Variants in CDH4 observed in about 807,000 individuals in gnomAD.
CDH4 encodes the protein cadherin-4.
In CDH4, 33 loss-of-function variants were observed where a neutral mutation model predicts 86.0. The observed-to-expected ratio is 0.38, with a 90% CI of 0.29 to 0.51. The LOEUF (loss-of-function observed/expected upper bound fraction) is 0.51, where lower values mean the gene tolerates loss of function less well. Among genes scored for constraint, CDH4 ranks in the 20% least tolerant of loss-of-function variants. The pLI is 0.86. For missense variants in CDH4, 1,114 were observed against 1,307.4 expected (o/e 0.85, Z 2.28); for synonymous variants, 555 against 549.4 (o/e 1.01, Z -0.14).
intron 4 of CDH4, among the ~76,000 whole-genome samples, chr20:61,823,033 A>T (rs561856930): frequency 6.6e-6 from 1 of 152,294 alleles, no homozygotes; most frequent in East Asian, 1.9e-4. Context: ...GCGACCATGG[A>T]GGCTGGTAAG....
intron 2 of CDH4, among the ~76,000 whole-genome samples, chr20:61,579,288 T>TC (rs1201668259): frequency 7.2e-6 from 1 of 139,120 alleles, no homozygotes; most frequent in Non-Finnish European, 1.5e-5. Flanking sequence ...GATGGAGATT[T>TC]TTTTTTTTTT....
intron 2 of CDH4, among the ~76,000 whole-genome samples, chr20:61,655,326 AT>A (rs1180317531): frequency 6.6e-6 from 1 of 152,220 alleles, no homozygotes; most frequent in Non-Finnish European, 1.5e-5. Flanking sequence ...ATATTACTTC[AT>A]TGACACAAAG....
chr20:61,666,012 C>T (rs529492523), intron 2 of CDH4, among the ~76,000 whole-genome samples: 222 of 152,290 alleles, frequency 1.5e-3, no homozygotes, highest in African/African-American at 5.1e-3. Flanking sequence ...GGACTCCAAA[C>T]GCTGACCCTG....
At chr20:61,812,186 TG>T (rs891993705) in intron 4 of CDH4, among the ~76,000 whole-genome samples, 1 of 133,264 alleles carries the variant, frequency 7.5e-6, no homozygotes, top group Non-Finnish European at 1.6e-5. Context: ...GGCATGTTAT[TG>T]GGGGCGGGGT....
At chr20:61,263,364 C>A (rs2123124354) in intron 2 of CDH4, among the ~76,000 whole-genome samples, 1 of 152,282 alleles carries the variant, frequency 6.6e-6, no homozygotes, top group South Asian at 2.1e-4. Context: ...AACCAAAAAT[C>A]CCTATTTAAT....
intron 2 of CDH4, among the ~76,000 whole-genome samples, chr20:61,559,938 C>T (rs1336802496): frequency 6.6e-6 from 1 of 152,164 alleles, no homozygotes; most frequent in East Asian, 1.9e-4. Context: ...TGGAGGCCCT[C>T]GGCTGCATGC....
intron 2 of CDH4, among the ~76,000 whole-genome samples, chr20:61,471,604 G>A (rs969367841): frequency 6.6e-6 from 1 of 151,256 alleles, no homozygotes; most frequent in Non-Finnish European, 1.5e-5. Context: ...TGCATTGTTA[G>A]GTTGTTTAAA....
intron 4 of CDH4, among the ~76,000 whole-genome samples, chr20:61,773,833 T>C (rs1474816131): frequency 1.3e-5 from 2 of 152,182 alleles, no homozygotes; most frequent in African/African-American, 4.8e-5. Flanking sequence ...CCTTTGGAAA[T>C]GAGGGTCCCC....
chr20:61,802,510 T>A (rs1187168956), intron 4 of CDH4, among the ~76,000 whole-genome samples: 1 of 152,162 alleles, frequency 6.6e-6, no homozygotes, highest in Non-Finnish European at 1.5e-5. Flanking sequence ...AGAAAGGAAT[T>A]TCTCTGCAGA....
intron 2 of CDH4, among the ~76,000 whole-genome samples, chr20:61,303,876 G>A (rs561527377): frequency 2.0e-5 from 3 of 152,330 alleles, no homozygotes; most frequent in Non-Finnish European, 2.9e-5. Flanking sequence ...CAGGAGGTCC[G>A]ATGGGCACGG....
chr20:61,534,554 G>C (rs1416916097), intron 2 of CDH4, among the ~76,000 whole-genome samples: 2 of 152,178 alleles, frequency 1.3e-5, no homozygotes, highest in African/African-American at 4.8e-5. Flanking sequence ...GGGAGGGCAC[G>C]GGACCGGGCC....
intron 2 of CDH4, among the ~76,000 whole-genome samples, chr20:61,678,704 C>T (rs1366306061): frequency 6.6e-6 from 1 of 152,218 alleles, no homozygotes; most frequent in Non-Finnish European, 1.5e-5. Flanking sequence ...TCTGGGAGTC[C>T]GCAGCAGCCC....
intron 7 of CDH4, among the ~76,000 whole-genome samples, chr20:61,876,636 T>C (rs1056374102): frequency 1.3e-5 from 2 of 152,148 alleles, no homozygotes; most frequent in Non-Finnish European, 2.9e-5. Context: ...TTTCGTATTA[T>C]AATGATAAGC....
intron 2 of CDH4, among the ~76,000 whole-genome samples, chr20:61,414,986 C>T (rs547108362): frequency 3.0e-4 from 46 of 152,316 alleles, no homozygotes; most frequent in African/African-American, 1.1e-3. Flanking sequence ...GCATCCCTCA[C>T]GGTGACTCCA....
chr20:61,699,717 G>A (rs62197824), intron 2 of CDH4, among the ~76,000 whole-genome samples: 26,597 of 152,164 alleles, frequency 0.17, 2,665 homozygotes, highest in Admixed American at 0.24. Context: ...AATTAGAGGG[G>A]AAGAAAGAGT....
At chr20:61,883,048 T>C (rs1273040070) in intron 7 of CDH4, among the ~76,000 whole-genome samples, 1 of 152,046 alleles carries the variant, frequency 6.6e-6, no homozygotes, top group East Asian at 1.9e-4. Flanking sequence ...CACCACGGTT[T>C]CCTGTCTCAC....
intron 4 of CDH4, among the ~76,000 whole-genome samples, chr20:61,843,687 TAAAA>T (rs67518472): frequency 0.035 from 4,869 of 140,736 alleles, 123 homozygotes; most frequent in African/African-American, 0.079. Flanking sequence ...GACCTGTCTC[TAAAA>T]AAAAAAAAAA....
intron 2 of CDH4, among the ~76,000 whole-genome samples, chr20:61,693,420 A>T (rs1297345365): frequency 6.6e-6 from 1 of 152,166 alleles, no homozygotes; most frequent in Non-Finnish European, 1.5e-5. Context: ...ACTGCATAGG[A>T]TCTTTGAGCA....
intron 2 of CDH4, among the ~76,000 whole-genome samples, chr20:61,383,051 G>C (rs997149280): frequency 5.8e-5 from 8 of 139,032 alleles, no homozygotes; most frequent in African/African-American, 2.2e-4. Context: ...AGAACTAATG[G>C]AATATATATA....
Sources: allele counts gnomAD v4.1 joint callset (sites outside exome capture counted in the v4.1 genomes callset), GRCh38; gene constraint gnomAD v4.1.1; transcripts MANE v1.5; gene names NCBI Gene and HGNC (gene_info 2026-07-23, HGNC 2026-07-21).